Variants in CAPN9 observed in about 807,000 individuals in gnomAD.
CAPN9 encodes calpain 9, also known as calpain-9.
In CAPN9, 81 loss-of-function variants were observed where a neutral mutation model predicts 92.8. That is an observed-to-expected ratio of 0.87 (90% confidence interval 0.73 to 1.05). The LOEUF is 1.05. Among genes scored for constraint, CAPN9 ranks in the 50% least tolerant of loss-of-function variants. The pLI is 0.00. For synonymous variants in CAPN9, 304 were observed against 328.0 expected (o/e 0.93, Z 0.79); for missense variants, 848 against 866.2 (o/e 0.98, Z 0.26).
chr1:230,763,124 G>A (rs1665750827), intron 4 of CAPN9, among the ~76,000 whole-genome samples: 1 of 152,178 alleles, frequency 6.6e-6, no homozygotes, highest in South Asian at 2.1e-4. Context: ...CACTGGCATG[G>A]CTCAAACATC....
intron 1 of CAPN9, among the ~76,000 whole-genome samples, chr1:230,750,159 C>T (rs190786589): frequency 2.6e-4 from 39 of 152,270 alleles, no homozygotes; most frequent in South Asian, 2.1e-4. Context: ...AGGCCTTCAT[C>T]CACAGGCCAG....
chr1:230,749,641 C>T (rs1447401315), intron 1 of CAPN9, among the ~76,000 whole-genome samples: 1 of 152,162 alleles, frequency 6.6e-6, no homozygotes, highest in African/African-American at 2.4e-5. Context: ...GGGTTTCATA[C>T]AGATGCTCAT....
rs1664489422 is a variant in CAPN9, at chr1:230,747,444, C to T, written c.-53C>T. 4 of 1,493,682 alleles carry T rather than the reference C, an allele frequency of 2.7e-6. No homozygotes were observed. The highest frequency in any genetic ancestry group is 1.4e-5 in the African/African-American group (1 of 72,598). The allele number at this position is 1,493,682 out of a possible 1,614,324, so 92.5% of individuals were successfully genotyped here. A position where few individuals can be genotyped will look rare whatever the true frequency, so the allele number is the denominator to read the frequency against. On this transcript the variant is annotated 5_prime_UTR_variant, in exon 1 of 20. Coordinates refer to ENST00000271971, the MANE Select transcript of CAPN9 (RefSeq NM_006615.3). ...GACCGGCACACACAGCTCGCTTCTT[C>T]ACTTTCTTTTCCATCCACTGCCGGA...
chr1:230,785,988 G>T lies in CAPN9; in HGVS notation c.1489G>T (p.Asp497Tyr), dbSNP rs142051905. The T allele has an allele frequency of 1.2e-6, 2 of 1,614,052 alleles. No individual in the cohort carries two copies. Among genetic ancestry groups the T allele is most frequent in the East Asian group, 4.5e-5 (2 of 44,886 alleles). Residue 497 changes from aspartate (D) to tyrosine (Y), a missense_variant, in exon 12 of 20, where the codon GAT (aspartate) becomes TAT (tyrosine). Asp to Tyr is a radical substitution (Grantham distance 160, BLOSUM62 -3). Coordinates refer to ENST00000271971, the MANE Select transcript of CAPN9 (RefSeq NM_006615.3). ...SEKKAITRDM[D>Y]GNVDIDLPEP... ...GTTTTTCTGCCCCTACAGGGATATG[G>T]ATGGAAATGTAGACATTGACCTTCC...
At chr1:230,785,868 C>G in intron 11 of CAPN9, 113 bp from the exon 12 acceptor site, 2 of 997,634 alleles carry the variant, frequency 2.0e-6, no homozygotes, top group Admixed American at 3.5e-5. Flanking sequence ...CAGCACTGAA[C>G]AATAAGGGAT....
chr1:230,779,186 T>C (rs1463608333), intron 9 of CAPN9, 53 bp downstream of exon 9: 3 of 1,557,010 alleles, frequency 1.9e-6, no homozygotes, highest in Non-Finnish European at 2.6e-6. Flanking sequence ...CCCTTCCAAC[T>C]CAGGACACCA....
chr1:230,755,897 C>A (rs188298787), intron 2 of CAPN9, among the ~76,000 whole-genome samples: 1 of 152,204 alleles, frequency 6.6e-6, no homozygotes, highest in Non-Finnish European at 1.5e-5. Context: ...AGCAGCAGAG[C>A]CCTTACTGCT....
chr1:230,770,926 C>T (rs896964364), intron 6 of CAPN9, among the ~76,000 whole-genome samples: 5 of 152,162 alleles, frequency 3.3e-5, no homozygotes, highest in South Asian at 2.1e-4. Flanking sequence ...AGGTGTGAGA[C>T]GCCGTTGGAC....
intron 6 of CAPN9, 132 bp from the exon 7 acceptor site, chr1:230,771,882 G>A (rs1468765868): frequency 1.4e-6 from 1 of 708,764 alleles, no homozygotes. Context: ...ACCTTCAGCA[G>A]CATTTTAGGC....
intron 8 of CAPN9, among the ~76,000 whole-genome samples, chr1:230,777,573 C>T (rs1347779565): frequency 6.6e-6 from 1 of 152,098 alleles, no homozygotes. Context: ...CCTCTCTTGA[C>T]CCACTCAAGT....
chr1:230,781,150 T>C (rs888916737), intron 11 of CAPN9, among the ~76,000 whole-genome samples: 1 of 151,998 alleles, frequency 6.6e-6, no homozygotes, highest in Non-Finnish European at 1.5e-5. Flanking sequence ...ATTACAGGAG[T>C]GAGCCACCAC....
At chr1:230,754,687 C>CG (rs1282106733) in intron 1 of CAPN9, among the ~76,000 whole-genome samples, 1 of 151,398 alleles carries the variant, frequency 6.6e-6, no homozygotes, top group Non-Finnish European at 1.5e-5. Flanking sequence ...TGGTGACTCA[C>CG]GTCTGTAGTC....
At chr1:230,770,920 G>T (rs1373462539) in intron 6 of CAPN9, among the ~76,000 whole-genome samples, 1 of 152,190 alleles carries the variant, frequency 6.6e-6, no homozygotes, top group Non-Finnish European at 1.5e-5. Flanking sequence ...GAGCCAAGGT[G>T]TGAGACGCCG....
intron 18 of CAPN9, among the ~76,000 whole-genome samples, chr1:230,795,993 T>C (rs180786821): frequency 2.0e-5 from 3 of 150,442 alleles, no homozygotes; most frequent in African/African-American, 7.4e-5. Context: ...TTCTAATCTA[T>C]GTTCCATAGG....
intron 19 of CAPN9, among the ~76,000 whole-genome samples, chr1:230,801,006 A>C (rs186614019): frequency 1.3e-3 from 204 of 152,322 alleles, no homozygotes; most frequent in African/African-American, 4.8e-3. Context: ...GGAGAAAAAA[A>C]CCATCTCATA....
chr1:230,759,711 ACCCT>A, intron 3 of CAPN9, 81 bp downstream of exon 3: 3 of 860,800 alleles, frequency 3.5e-6, no homozygotes, highest in African/African-American at 1.7e-5. Context: ...CTGCCTGGTA[ACCCT>A]AGAAAAAAAT....
chr1:230,748,780 A>G (rs1037287091), intron 1 of CAPN9, among the ~76,000 whole-genome samples: 1 of 152,166 alleles, frequency 6.6e-6, no homozygotes, highest in African/African-American at 2.4e-5. Context: ...CCTCCTCACT[A>G]TCTCCCAACA....
chr1:230,801,638 C>A lies in CAPN9; in HGVS notation c.*42C>A. 6.3e-7 allele frequency: 1 copy of A among 1,593,670 alleles called. No individual in the cohort carries two copies. The highest frequency in any genetic ancestry group is 8.6e-7 in the Non-Finnish European group (1 of 1,161,364). ...TGCAGCCTGCCCAGCTGAATCTTGG[C>A]TTCTGGACCTTGACCTTCAGAACTT... On this transcript the variant is annotated 3_prime_UTR_variant, in exon 20 of 20. Transcript: ENST00000271971.
At position 230,755,525 on chromosome 1, in the gene CAPN9, T is replaced by A. The variant is rs982233115; in HGVS notation, c.283+119T>A. ...CACGGGGCTGGGGGAACAACACTGC[T>A]TCGGCCTCTGCTTCCTCACTCCCTC... is the stretch of plus-strand genomic sequence containing the variant. On this transcript the variant is annotated intron_variant, in intron 2 of 19. Transcript: ENST00000271971. The A allele has an allele frequency of 2.8e-5, 19 of 688,776 alleles. 1 individual carries two copies. In the Admixed American group the frequency reaches 4.5e-4, roughly 16 times the overall value. 42.7% of individuals were successfully genotyped at this position (688,776 alleles called of 1,614,324 possible). A position where few individuals can be genotyped will look rare whatever the true frequency, so the allele number is the denominator to read the frequency against.
Sources: allele counts gnomAD v4.1 joint callset (sites outside exome capture counted in the v4.1 genomes callset), GRCh38; gene constraint gnomAD v4.1.1; transcripts MANE v1.5; gene names NCBI Gene and HGNC (gene_info 2026-07-23, HGNC 2026-07-21).